Variants in SLC26A5 observed in about 807,000 individuals in gnomAD.
SLC26A5 encodes the protein solute carrier family 26 member 5.
SLC26A5 carries 51 observed loss-of-function variants against 81.0 expected under a neutral mutation model. The observed-to-expected ratio is 0.63, with a 90% CI of 0.50 to 0.80. The LOEUF (loss-of-function observed/expected upper bound fraction) is 0.80, where lower values mean the gene tolerates loss of function less well. SLC26A5 is among the 30% of genes least tolerant of loss of function. The pLI is 0.00. For synonymous variants in SLC26A5, 325 were observed against 332.8 expected, an observed-to-expected ratio of 0.98 and a Z score of 0.25; for missense variants, 771 against 905.8, an observed-to-expected ratio of 0.85 and a Z score of 1.91.
intron 19 of SLC26A5, among the ~76,000 whole-genome samples, chr7:103,358,440 A>G (rs1014829205): frequency 6.6e-6 from 1 of 151,980 alleles, no homozygotes; most frequent in African/African-American, 2.4e-5. Flanking sequence ...GAATTCTCTT[A>G]TTTGGATATG....
In SLC26A5 at chr7:103,374,309, G is replaced by GA. The variant is rs1221417913; in HGVS notation, c.*89dup. 139 of 1,550,192 alleles carry GA rather than the reference G, an allele frequency of 9.0e-5. No individual in the cohort carries two copies. The highest frequency in any genetic ancestry group is 4.6e-4 in the Middle Eastern group (2 of 4,324). On this transcript the variant is annotated 3_prime_UTR_variant, in exon 20 of 20. Transcript: ENST00000306312. ...CCTGGACTACTAGTATTCACCCTTA[G>GA]AAAAAAAAATCTAGCGTCTAGTATT...
Position 103,421,416 on chromosome 7 carries a change from G to T in SLC26A5, c.99C>A (p.His33Gln), listed in dbSNP as rs922133831. ...TGGAATCAGGAACCTTGTCCTTTGT[G>T]TGTAGTCTTTCCTGGAGGACCGGAT... Reference protein sequence around the residue: ...FSHPVLQERLHTKDKVPDSIA... With the variant: ...FSHPVLQERLQTKDKVPDSIA... The change falls in exon 3 of 20, where the codon CAC (histidine) becomes CAA (glutamine). Residue 33 changes from histidine to glutamine, a missense_variant. His to Gln is a conservative substitution (Grantham distance 24). Transcript: ENST00000306312. 2 of 1,613,986 alleles carry T rather than the reference G, an allele frequency of 1.2e-6. No individual in the cohort carries two copies. The highest frequency in any genetic ancestry group is 3.3e-5 in the Admixed American group (2 of 59,990).
At chr7:103,415,205 C>A (rs1191634213) in intron 4 of SLC26A5, among the ~76,000 whole-genome samples, 1 of 152,124 alleles carries the variant, frequency 6.6e-6, no homozygotes, top group Non-Finnish European at 1.5e-5. Context: ...AACATGGTCA[C>A]TCGAATGTTG....
intron 19 of SLC26A5, chr7:103,368,291 G>A (rs1218543564): frequency 1.7e-5 from 7 of 404,404 alleles, no homozygotes; most frequent in East Asian, 8.8e-5. Context: ...CATACAAAGC[G>A]CTTGCTTAGA....
At chr7:103,380,417 A>G (rs1821679412) in intron 15 of SLC26A5, 63 bp downstream of exon 15, 2 of 1,384,070 alleles carry the variant, frequency 1.4e-6, no homozygotes, top group Admixed American at 1.7e-5. Context: ...CTGGGTAAAA[A>G]CAGTACTTAG....
rs766216737 is a variant in SLC26A5, at chr7:103,367,972, A to G, written c.2041+8836T>C. The G allele has an allele frequency of 1.2e-6, 2 of 1,614,166 alleles. No individual in the cohort carries two copies. Among genetic ancestry groups the G allele is most frequent in the East Asian group, 2.2e-5 (1 of 44,884 alleles). ...GCACGGCGAAAAATTGCTACCGAGA[A>G]GGATTTCTTGGAAGCTGTAAATAAG... On this transcript the variant is annotated intron_variant, in intron 19 of 19. Transcript: ENST00000339444. This position sits in a 1 kb window ranked among gnomAD's most constrained non-coding sequence, Gnocchi z 6.1.
chr7:103,360,362 T>C (rs548906556), intron 19 of SLC26A5, among the ~76,000 whole-genome samples: 1 of 151,508 alleles, frequency 6.6e-6, no homozygotes, highest in South Asian at 2.1e-4. Flanking sequence ...GGTCAGCCTC[T>C]TTTTTTTTGG....
rs563172650 is a variant in SLC26A5 at position 103,441,551 on chromosome 7, G to A, written c.-54+1532C>T. 7.2e-4 allele frequency among the ~76,000 whole-genome samples: 109 copies of A among 152,240 alleles called. 1 individual carries two copies. The highest frequency in any genetic ancestry group is 2.6e-3 in the African/African-American group (107 of 41,532). On this transcript the variant is annotated intron_variant, in intron 2 of 19. Coordinates refer to ENST00000306312, the MANE Select transcript of SLC26A5 (RefSeq NM_198999.3). ...TGAGGATCATTTTTTATCTCAGTTT[G>A]GCCACTAAAGTTCACATTTCAGCTA...
chr7:103,422,384 T>C (rs1825415281), intron 2 of SLC26A5, among the ~76,000 whole-genome samples: 1 of 152,256 alleles, frequency 6.6e-6, no homozygotes, highest in African/African-American at 2.4e-5. Flanking sequence ...ACTAAATTTC[T>C]GTGTCATCAT....
chr7:103,382,716 T>C (rs1352589864), intron 14 of SLC26A5, among the ~76,000 whole-genome samples: 1 of 152,176 alleles, frequency 6.6e-6, no homozygotes, highest in Non-Finnish European at 1.5e-5. Context: ...TAATGACAGA[T>C]ACTACTTCTT....
chr7:103,388,241 G>C (rs1822362137), intron 14 of SLC26A5, among the ~76,000 whole-genome samples: 1 of 142,794 alleles, frequency 7.0e-6, no homozygotes, highest in African/African-American at 2.7e-5. Flanking sequence ...CTGTTGCCCA[G>C]GCTGGAGCGT....
chr7:103,362,367 G>A lies in SLC26A5; in HGVS notation c.2042-9441C>T, dbSNP rs76062005. 8.5e-3 allele frequency: 11,490 copies of A among 1,344,678 alleles called. 231 individuals carry two copies. The highest frequency in any genetic ancestry group is 0.079 in the East Asian group (2,499 of 31,772). The allele number at this position is 1,344,678 out of a possible 1,614,324, so 83.3% of individuals were successfully genotyped here. A position where few individuals can be genotyped will look rare whatever the true frequency, so the allele number is the denominator to read the frequency against. On this transcript the variant is annotated intron_variant, in intron 19 of 19. Coordinates refer to the SLC26A5 transcript ENST00000339444. ...TTTAAGGTAACATGGTATAGGTTGG[G>A]GGAGTACTTGCTTTAGGATAGTTGT...
intron 2 of SLC26A5, among the ~76,000 whole-genome samples, chr7:103,427,116 T>C (rs1825758335): frequency 6.6e-6 from 1 of 151,606 alleles, no homozygotes; most frequent in Admixed American, 6.6e-5. Flanking sequence ...CTCTGTTGCC[T>C]AGGCTGGAGT....
intron 19 of SLC26A5, among the ~76,000 whole-genome samples, chr7:103,375,825 G>A (rs777364193): frequency 6.6e-6 from 1 of 151,562 alleles, no homozygotes; most frequent in Non-Finnish European, 1.5e-5. Context: ...GTGCAATCTC[G>A]GCTCACTGCA....
chr7:103,404,058 C>G lies in SLC26A5; in HGVS notation c.888+3793G>C, dbSNP rs1275328029. 2.0e-5 allele frequency among the ~76,000 whole-genome samples: 3 copies of G among 152,098 alleles called. No homozygotes were observed. In the South Asian group the frequency reaches 6.2e-4, roughly 32 times the overall value. On this transcript the variant is annotated intron_variant, in intron 8 of 19. Coordinates refer to ENST00000306312, the MANE Select transcript of SLC26A5 (RefSeq NM_198999.3). Reference sequence around the variant, plus strand: ...ACTAGCTGGGCGTGGTGGCAGGCACCTGTAATCCCAGCTACTCAGGAGGCT... The same window carrying G: ...ACTAGCTGGGCGTGGTGGCAGGCACGTGTAATCCCAGCTACTCAGGAGGCT...
At chr7:103,371,820 C>T (rs574774837), downstream of SLC26A5, among the ~76,000 whole-genome samples, 9 of 151,894 alleles carry the variant, frequency 5.9e-5, no homozygotes, top group East Asian at 5.8e-4. Flanking sequence ...CTCAGCCTCC[C>T]GAGTAGCTGG....
intron 8 of SLC26A5, among the ~76,000 whole-genome samples, chr7:103,399,967 T>A (rs1232004548): frequency 6.6e-6 from 1 of 152,158 alleles, no homozygotes. Flanking sequence ...ATCCAGTCTA[T>A]CATTGATGGG....
intron 9 of SLC26A5, among the ~76,000 whole-genome samples, chr7:103,393,540 T>G (rs1563535311): frequency 1.3e-5 from 2 of 149,414 alleles, no homozygotes; most frequent in East Asian, 4.0e-4. Flanking sequence ...TCATCTGATG[T>G]AAGGACTCTG....
At chr7:103,414,253 A>G (rs1246372107) in intron 4 of SLC26A5, among the ~76,000 whole-genome samples, 1 of 143,704 alleles carries the variant, frequency 7.0e-6, no homozygotes, top group Non-Finnish European at 1.5e-5. Flanking sequence ...GGGCATGTTC[A>G]TGGCTCAATG....
Sources: allele counts gnomAD v4.1 joint callset (sites outside exome capture counted in the v4.1 genomes callset), GRCh38; gene constraint gnomAD v4.1.1; non-coding constraint Gnocchi (gnomAD v3.1); transcripts MANE v1.5; gene names NCBI Gene and HGNC (gene_info 2026-07-23, HGNC 2026-07-21).